PCDH11X: variants seen among roughly 807,000 people sequenced by gnomAD.
PCDH11X encodes protocadherin 11 X-linked.
Under a neutral mutation model 53.3 loss-of-function variants are expected in PCDH11X, and 18 were observed. The ratio of observed to expected loss-of-function variants is 0.34; its 90% CI spans 0.23 to 0.50. The LOEUF is 0.50. PCDH11X is among the 20% of genes least tolerant of loss of function. PCDH11X has a pLI of 0.98. For missense variants in PCDH11X, 570 were observed against 1,032.4 expected (o/e 0.55, Z 6.14); for synonymous variants, 279 against 393.3 (o/e 0.71, Z 3.44).
At chrX:92,062,487 A>T (rs1452264314) in intron 6 of PCDH11X, among the ~76,000 whole-genome samples, 1 of 111,476 alleles carries the variant, frequency 9.0e-6, no homozygotes, top group Non-Finnish European at 1.9e-5. Flanking sequence ...TACTATTTTG[A>T]GGTATGCTCC....
intron 9 of PCDH11X, among the ~76,000 whole-genome samples, chrX:92,397,351 T>C (rs1326718737): frequency 9.5e-6 from 1 of 105,403 alleles, no homozygotes; most frequent in Non-Finnish European, 1.9e-5. Flanking sequence ...AATCTAAAAC[T>C]GAACCTGACA....
intron 9 of PCDH11X, among the ~76,000 whole-genome samples, chrX:92,424,185 T>G (rs1245704240): frequency 5.9e-5 from 1 of 17,084 alleles, no homozygotes; most frequent in Non-Finnish European, 9.0e-5. Flanking sequence ...TTGGCAAATG[T>G]TTTTTTTTTT....
intron 6 of PCDH11X, among the ~76,000 whole-genome samples, chrX:92,043,240 T>C (rs1276621746): frequency 1.9e-5 from 2 of 106,014 alleles, no homozygotes; most frequent in Non-Finnish European, 3.8e-5. Context: ...TTTCTTGACT[T>C]CATTTCAGTT....
chrX:91,945,743 GA>G (rs1056633380), intron 6 of PCDH11X, among the ~76,000 whole-genome samples: 6 of 109,728 alleles, frequency 5.5e-5, no homozygotes, highest in African/African-American at 2.0e-4. Flanking sequence ...AGGCTCTTAC[GA>G]AAACTAAAAT....
intron 6 of PCDH11X, among the ~76,000 whole-genome samples, chrX:92,091,318 C>T (rs1260492577): frequency 2.7e-5 from 3 of 109,705 alleles, no homozygotes; most frequent in South Asian, 8.2e-4. Flanking sequence ...ATTTAAATTC[C>T]CAGATTTGAC....
At chrX:92,604,385 A>G (rs1487660828) in intron 10 of PCDH11X, among the ~76,000 whole-genome samples, 2 of 110,278 alleles carry the variant, frequency 1.8e-5, no homozygotes, top group Admixed American at 9.8e-5. Context: ...AAAAACAACT[A>G]TGATAAATTA....
chrX:91,857,242 A>G (rs1938395356), intron 5 of PCDH11X, among the ~76,000 whole-genome samples: 2 of 110,886 alleles, frequency 1.8e-5, no homozygotes, highest in South Asian at 7.8e-4. Context: ...CTTATTCACT[A>G]TCACAAGAAC....
At chrX:92,460,082 T>A in intron 9 of PCDH11X, 1 of 1,014,202 alleles carries the variant, frequency 9.9e-7, no homozygotes, top group Non-Finnish European at 1.4e-6. Context: ...AGGGCTCAGA[T>A]CTTCGCAAAT....
chrX:92,249,206 C>A (rs1016327129), intron 7 of PCDH11X, among the ~76,000 whole-genome samples: 13 of 110,969 alleles, frequency 1.2e-4, no homozygotes, highest in African/African-American at 4.3e-4. Flanking sequence ...TTAAAAAATG[C>A]TTTCCTTCTA....
intron 9 of PCDH11X, among the ~76,000 whole-genome samples, chrX:92,394,111 T>C (rs2071193396): frequency 9.0e-6 from 1 of 111,337 alleles, no homozygotes; most frequent in African/African-American, 3.2e-5. Context: ...ATATAGGCTT[T>C]GTGAAGGCAA....
At chrX:92,401,116 A>C (rs1182592362) in intron 9 of PCDH11X, among the ~76,000 whole-genome samples, 1 of 108,459 alleles carries the variant, frequency 9.2e-6, no homozygotes, top group Non-Finnish European at 1.9e-5. Context: ...CAATAGCACC[A>C]GCAATAATAA....
chrX:91,957,105 C>T (rs763721103), intron 6 of PCDH11X, among the ~76,000 whole-genome samples: 25 of 111,348 alleles, frequency 2.2e-4, no homozygotes, highest in Non-Finnish European at 4.3e-4. Context: ...TCAGCCCCCT[C>T]AGGTCAGTTA....
At chrX:91,975,237 T>C (rs1357006320) in intron 6 of PCDH11X, among the ~76,000 whole-genome samples, 1 of 111,856 alleles carries the variant, frequency 8.9e-6, no homozygotes, top group Non-Finnish European at 1.9e-5. Flanking sequence ...CCTAGGATGA[T>C]ATCTTAATAG....
At chrX:92,042,727 T>C (rs2063228658) in intron 6 of PCDH11X, among the ~76,000 whole-genome samples, 1 of 87,940 alleles carries the variant, frequency 1.1e-5, no homozygotes, top group Non-Finnish European at 2.1e-5. Flanking sequence ...AACCTACACC[T>C]CCCGGGTTCA....
intron 10 of PCDH11X, among the ~76,000 whole-genome samples, chrX:92,510,554 G>C (rs2074144398): frequency 9.6e-6 from 1 of 103,987 alleles, no homozygotes; most frequent in East Asian, 3.2e-4. Flanking sequence ...CAATTTTCAA[G>C]GCACTAAATT....
intron 10 of PCDH11X, among the ~76,000 whole-genome samples, chrX:92,603,008 T>C (rs1184325071): frequency 2.0e-5 from 2 of 102,234 alleles, no homozygotes; most frequent in Non-Finnish European, 3.9e-5. Context: ...GAAACTCTGC[T>C]TAAATAAGTA....
intron 6 of PCDH11X, among the ~76,000 whole-genome samples, chrX:92,168,569 A>G (rs1485362866): frequency 1.8e-5 from 2 of 110,427 alleles, no homozygotes; most frequent in African/African-American, 6.6e-5. Flanking sequence ...ACAAAACACG[A>G]AAAACCCCCA....
chrX:91,849,624 T>C (rs1937893577), intron 5 of PCDH11X, among the ~76,000 whole-genome samples: 3 of 110,273 alleles, frequency 2.7e-5, no homozygotes, highest in Non-Finnish European at 3.8e-5. Context: ...TTTACCAGTC[T>C]ACTATCATTG....
intron 6 of PCDH11X, among the ~76,000 whole-genome samples, chrX:92,111,939 A>G (rs1366148313): frequency 9.2e-6 from 1 of 108,718 alleles, no homozygotes; most frequent in Non-Finnish European, 1.9e-5. Flanking sequence ...TTGTATTTTT[A>G]GTAGAGACGG....
Sources: allele counts gnomAD v4.1 joint callset (sites outside exome capture counted in the v4.1 genomes callset), GRCh38; gene constraint gnomAD v4.1.1; transcripts MANE v1.5; gene names NCBI Gene and HGNC (gene_info 2026-07-23, HGNC 2026-07-21).